RAB27B: variants seen among roughly 807,000 people sequenced by gnomAD.
The protein encoded by RAB27B is RAB27B, member RAS oncogene family, also known as ras-related protein Rab-27B.
In RAB27B, 15 loss-of-function variants were observed where a neutral mutation model predicts 24.6. That is an observed-to-expected ratio of 0.61 (90% CI 0.41 to 0.94). The LOEUF (loss-of-function observed/expected upper bound fraction) is 0.94. Ranked by LOEUF, RAB27B falls within the 40% of genes least tolerant of loss-of-function variation. RAB27B has a pLI of 0.00. For synonymous variants in RAB27B, 105 were observed against 92.5 expected (o/e 1.14, Z -0.78); for missense variants, 261 against 266.8 (o/e 0.98, Z 0.15).
chr18:54,735,914 T>A (rs968122486), intron 2 of RAB27B, among the ~76,000 whole-genome samples: 1 of 152,200 alleles, frequency 6.6e-6, no homozygotes, highest in Non-Finnish European at 1.5e-5. Context: ...ATCAGGACCA[T>A]GCCAAACTGG....
intron 2 of RAB27B, among the ~76,000 whole-genome samples, chr18:54,732,784 A>G: frequency 6.6e-6 from 1 of 152,192 alleles, no homozygotes; most frequent in East Asian, 1.9e-4. Flanking sequence ...GTTCCACCAG[A>G]CAAAAGTTAT....
intron 1 of RAB27B, among the ~76,000 whole-genome samples, chr18:54,857,750 A>G (rs1245381329): frequency 1.3e-5 from 2 of 152,328 alleles, no homozygotes; most frequent in African/African-American, 4.8e-5. Flanking sequence ...TGCTCTCATT[A>G]TGACCCTGCT....
chr18:54,798,948 A>G (rs924557076), intron 2 of RAB27B, among the ~76,000 whole-genome samples: 8 of 152,182 alleles, frequency 5.3e-5, no homozygotes, highest in African/African-American at 1.9e-4. Flanking sequence ...GGCAAAAATC[A>G]AATTGTATGT....
rs1555651345 is a variant in RAB27B at position 54,733,657 on chromosome 18, C to CCCT, written c.-20+15518_-20+15519insTCC. 5.9e-5 allele frequency among the ~76,000 whole-genome samples: 8 copies of CCCT among 135,874 alleles called. 1 individual carries two copies. Among genetic ancestry groups the CCCT allele is most frequent in the Admixed American group, 3.6e-4 (5 of 13,782 alleles). 89.1% of individuals were successfully genotyped at this position (135,874 alleles called of 152,430 possible). ...GAAATCTTCTGTTCTAGAGCCCCCC[C>CCCT]CCCCCAAATTTGCTAAGCTCCTTGG... On this transcript the variant is annotated intron_variant, in intron 2 of 4. Coordinates refer to the RAB27B transcript ENST00000586570.
At chr18:54,725,476 C>A (rs543746458) in intron 2 of RAB27B, among the ~76,000 whole-genome samples, 9 of 151,608 alleles carry the variant, frequency 5.9e-5, no homozygotes, top group African/African-American at 1.9e-4. Flanking sequence ...TGTGTAAGTT[C>A]TTTAAAAGGT....
intron 2 of RAB27B, among the ~76,000 whole-genome samples, chr18:54,721,339 T>A (rs1267893450): frequency 1.3e-5 from 2 of 152,172 alleles, no homozygotes; most frequent in Admixed American, 6.6e-5. Context: ...CTTCACTCCT[T>A]TTCCCTTAAA....
chr18:54,864,312 T>C (rs528634941), intron 1 of RAB27B, among the ~76,000 whole-genome samples: 3 of 152,312 alleles, frequency 2.0e-5, no homozygotes, highest in Admixed American at 2.0e-4. Context: ...TGAGAAGATA[T>C]CTCTTCAAAG....
chr18:54,720,589 A>G (rs1909328897), intron 2 of RAB27B, among the ~76,000 whole-genome samples: 1 of 152,130 alleles, frequency 6.6e-6, no homozygotes, highest in Non-Finnish European at 1.5e-5. Context: ...AGAAGCTAAC[A>G]TAAAGGAAGA....
intron 5 of RAB27B, among the ~76,000 whole-genome samples, chr18:54,888,959 A>G (rs530125026): frequency 8.5e-5 from 13 of 152,110 alleles, no homozygotes; most frequent in Non-Finnish European, 1.8e-4. Flanking sequence ...TTAAACAGTG[A>G]TAATGCCTTG....
chr18:54,826,368 A>G (rs1910475337), upstream of RAB27B, among the ~76,000 whole-genome samples: 1 of 152,126 alleles, frequency 6.6e-6, no homozygotes, highest in South Asian at 2.1e-4. Context: ...CCTCTGGTCA[A>G]AGTGGCCTTC....
At chr18:54,733,395 G>A (rs573651201) in intron 2 of RAB27B, among the ~76,000 whole-genome samples, 5 of 151,964 alleles carry the variant, frequency 3.3e-5, no homozygotes, top group African/African-American at 1.2e-4. Flanking sequence ...TTATTTCCAG[G>A]GGTGCATCCA....
intron 2 of RAB27B, among the ~76,000 whole-genome samples, chr18:54,786,152 T>C (rs1338526084): frequency 1.3e-5 from 2 of 152,206 alleles, no homozygotes; most frequent in Admixed American, 1.3e-4. Flanking sequence ...CTTCCTCAGA[T>C]AATGTAATGT....
intron 2 of RAB27B, among the ~76,000 whole-genome samples, chr18:54,800,949 A>C (rs549531557): frequency 6.6e-6 from 1 of 151,676 alleles, no homozygotes; most frequent in East Asian, 1.9e-4. Flanking sequence ...CAGACCACTA[A>C]ATTTTATTTT....
At chr18:54,772,495 A>G (rs41378148) in intron 2 of RAB27B, among the ~76,000 whole-genome samples, 8,241 of 152,234 alleles carry the variant, frequency 0.054, 286 homozygotes, top group South Asian at 0.084. Flanking sequence ...GATTGTTCCT[A>G]CGATTCCACA....
In RAB27B at chr18:54,845,421, A is replaced by AAAAAG. The variant is rs1394414655; in HGVS notation, c.-20+16724_-20+16725insAGAAA. ...ACTCCATCTCAAAAAAAAAAAAAATAAAATAAAATCTATTTAGGAAGAAAA... is the reference window on the plus strand; with the variant it reads ...ACTCCATCTCAAAAAAAAAAAAAATAAAAAGAAATAAAATCTATTTAGGAAGAAAA... On this transcript the variant is annotated intron_variant, in intron 1 of 5. Coordinates refer to ENST00000262094, the MANE Select transcript of RAB27B (RefSeq NM_004163.4). 1.5e-4 allele frequency among the ~76,000 whole-genome samples: 22 copies of AAAAAG among 142,092 alleles called. 3 individuals carry two copies. Among genetic ancestry groups the AAAAAG allele is most frequent in the East Asian group, 6.2e-4 (3 of 4,870 alleles). 93.2% of individuals were successfully genotyped at this position (142,092 alleles called of 152,430 possible).
intron 2 of RAB27B, among the ~76,000 whole-genome samples, chr18:54,788,660 T>A (rs1909162317): frequency 6.6e-6 from 1 of 152,160 alleles, no homozygotes; most frequent in South Asian, 2.1e-4. Flanking sequence ...ATGCTCTAAT[T>A]TTACCTTTGG....
chr18:54,888,227 T>C lies in RAB27B; in HGVS notation c.467+109T>C. On this transcript the variant is annotated intron_variant, in intron 5 of 5. Transcript: ENST00000262094. ...GAAATCCCCTTAACCAAGAACAGCA[T>C]GTGGATTAAAAAGATCTTTCAGAGA... 2 of 1,286,650 alleles carry C rather than the reference T, an allele frequency of 1.6e-6. 1 individual carries two copies. The highest frequency in any genetic ancestry group is 4.8e-5 in the East Asian group (2 of 41,608). The allele number at this position is 1,286,650 out of a possible 1,614,324, so 79.7% of individuals were successfully genotyped here. A position where few individuals can be genotyped will look rare whatever the true frequency, so the allele number is the denominator to read the frequency against.
intron 2 of RAB27B, among the ~76,000 whole-genome samples, chr18:54,777,071 C>G (rs1022125772): frequency 2.6e-5 from 4 of 152,058 alleles, no homozygotes; most frequent in Non-Finnish European, 4.4e-5. Context: ...ATAAATAAAT[C>G]TGACCACAAT....
At chr18:54,876,720 A>G (rs1254975288) in intron 1 of RAB27B, among the ~76,000 whole-genome samples, 1 of 152,172 alleles carries the variant, frequency 6.6e-6, no homozygotes, top group Non-Finnish European at 1.5e-5. Context: ...AATAATTTGT[A>G]TACAGATTAT....
Sources: gnomAD v4.1 joint callset for allele counts (sites outside exome capture counted in the v4.1 genomes callset) on GRCh38, gnomAD v4.1.1 for gene constraint, MANE v1.5 for transcripts, NCBI Gene and HGNC (gene_info 2026-07-23, HGNC 2026-07-21) for gene names.